KCTD16: variants seen among roughly 807,000 people sequenced by gnomAD.
The protein encoded by KCTD16 is potassium channel tetramerization domain containing 16, also known as BTB/POZ domain-containing protein KCTD16.
A neutral mutation model predicts 33.2 loss-of-function variants in KCTD16; 13 were observed. That is an observed-to-expected ratio of 0.39 (90% CI 0.25 to 0.62). KCTD16 has a LOEUF of 0.62. Ranked by LOEUF, KCTD16 falls within the 20% of genes least tolerant of loss-of-function variation. KCTD16 has a pLI of 0.50. For synonymous variants in KCTD16, 197 were observed against 195.3 expected (o/e 1.01, Z -0.07); for missense variants, 441 against 525.1 (o/e 0.84, Z 1.57).
intron 3 of KCTD16, among the ~76,000 whole-genome samples, chr5:144,469,104 C>T (rs1241636667): frequency 6.6e-6 from 1 of 152,130 alleles, no homozygotes; most frequent in Non-Finnish European, 1.5e-5. Flanking sequence ...ACTTAGTTTC[C>T]TGCCTCTCCC....
At chr5:144,299,350 T>C (rs543085437) in intron 3 of KCTD16, among the ~76,000 whole-genome samples, 1 of 151,284 alleles carries the variant, frequency 6.6e-6, no homozygotes, top group South Asian at 2.1e-4. Context: ...CATTTCTCTA[T>C]CAGAATAACA....
intron 3 of KCTD16, among the ~76,000 whole-genome samples, chr5:144,265,145 G>A (rs569961628): frequency 6.6e-6 from 1 of 152,252 alleles, no homozygotes; most frequent in South Asian, 2.1e-4. Flanking sequence ...ACAGTTGTAA[G>A]GAGAAAATTA....
intron 3 of KCTD16, among the ~76,000 whole-genome samples, chr5:144,319,923 T>C (rs1486777587): frequency 6.6e-6 from 1 of 152,144 alleles, no homozygotes; most frequent in Admixed American, 6.5e-5. Flanking sequence ...AATATACTTA[T>C]AAATATTATA....
chr5:144,195,423 C>T (rs1201340854), intron 2 of KCTD16, among the ~76,000 whole-genome samples: 1 of 152,182 alleles, frequency 6.6e-6, no homozygotes, highest in African/African-American at 2.4e-5. Context: ...TGCTTGCTAC[C>T]ATCCAGCACC....
intron 2 of KCTD16, among the ~76,000 whole-genome samples, chr5:144,192,532 T>A (rs1409049902): frequency 6.6e-6 from 1 of 152,210 alleles, no homozygotes; most frequent in East Asian, 1.9e-4. Context: ...TCTATTTATT[T>A]GTGTTCTAAG....
At chr5:144,318,212 C>A (rs1029024928) in intron 3 of KCTD16, among the ~76,000 whole-genome samples, 25 of 152,172 alleles carry the variant, frequency 1.6e-4, no homozygotes, top group Non-Finnish European at 2.9e-4. Flanking sequence ...CCCCGAGCGG[C>A]CTGTTCAAAC....
chr5:144,375,231 G>A lies in KCTD16; in HGVS notation c.833-98429G>A, dbSNP rs184067190. The stretch of plus-strand genomic sequence containing the variant: ...ACCATAACCTTTTACTAGCAAACTG[G>A]TTGGAATAGCTCATGCTCTCTGGCA... On this transcript the variant is annotated intron_variant, in intron 3 of 3. Transcript: ENST00000512467. 2.0e-5 allele frequency among the ~76,000 whole-genome samples: 3 copies of A among 152,272 alleles called. No individual in the cohort carries two copies. The East Asian group carries it at 5.8e-4, about 29-fold the overall frequency.
intron 3 of KCTD16, among the ~76,000 whole-genome samples, chr5:144,456,887 A>G (rs1417591060): frequency 6.6e-6 from 1 of 152,108 alleles, no homozygotes; most frequent in East Asian, 1.9e-4. Flanking sequence ...ATATTCTGTC[A>G]CACCTAGCAC....
chr5:144,256,333 A>T (rs554443603), intron 3 of KCTD16, among the ~76,000 whole-genome samples: 1 of 152,224 alleles, frequency 6.6e-6, no homozygotes, highest in Admixed American at 6.5e-5. Flanking sequence ...TTCCACTACT[A>T]TAAACACTGT....
At chr5:144,357,527 G>T (rs937882096) in intron 3 of KCTD16, among the ~76,000 whole-genome samples, 7 of 152,162 alleles carry the variant, frequency 4.6e-5, no homozygotes, top group Non-Finnish European at 8.8e-5. Context: ...GAATATGCCT[G>T]GTGCCTGGTG....
chr5:144,171,627 T>A (rs1752386296), intron 1 of KCTD16, among the ~76,000 whole-genome samples: 1 of 152,146 alleles, frequency 6.6e-6, no homozygotes, highest in South Asian at 2.1e-4. Flanking sequence ...CTCCAGACAT[T>A]GCCAAATCCA....
intron 3 of KCTD16, among the ~76,000 whole-genome samples, chr5:144,425,839 A>G (rs915894935): frequency 6.6e-6 from 1 of 152,104 alleles, no homozygotes; most frequent in Admixed American, 6.6e-5. Flanking sequence ...TGGACCTGTT[A>G]TGTGAGGGGC....
intron 3 of KCTD16, among the ~76,000 whole-genome samples, chr5:144,281,208 T>G (rs1755600155): frequency 6.6e-6 from 1 of 152,194 alleles, no homozygotes; most frequent in South Asian, 2.1e-4. Flanking sequence ...TCCATTTTAT[T>G]TTTATTATTT....
chr5:144,366,806 G>A (rs3095960), intron 3 of KCTD16, among the ~76,000 whole-genome samples: 51,935 of 152,126 alleles, frequency 0.34, 9,736 homozygotes, highest in African/African-American at 0.5. Flanking sequence ...TCGGTGGCAT[G>A]ATAGGGCCAC....
chr5:144,257,939 G>C (rs1324754170), intron 3 of KCTD16, among the ~76,000 whole-genome samples: 1 of 152,054 alleles, frequency 6.6e-6, no homozygotes, highest in African/African-American at 2.4e-5. Context: ...AAGCTTTTTC[G>C]ATAAGTTATA....
At chr5:144,308,508 C>G (rs1431556931) in intron 3 of KCTD16, among the ~76,000 whole-genome samples, 1 of 152,130 alleles carries the variant, frequency 6.6e-6, no homozygotes, top group African/African-American at 2.4e-5. Flanking sequence ...CCAGATATAC[C>G]AGGCTGACAT....
chr5:144,375,255 C>T lies in KCTD16; in HGVS notation c.833-98405C>T, dbSNP rs528798399. 9.8e-5 allele frequency among the ~76,000 whole-genome samples: 15 copies of T among 152,286 alleles called. No homozygotes were observed. The South Asian group carries it at 3.1e-3, about 32-fold the overall frequency. On this transcript the variant is annotated intron_variant, in intron 3 of 3. Coordinates refer to ENST00000512467, the MANE Select transcript of KCTD16 (RefSeq NM_020768.4). ...GGTTGGAATAGCTCATGCTCTCTGG[C>T]AAGTGTCTTACCTTCTTGATGTCTA...
chr5:144,233,029 T>C (rs1213416326), intron 3 of KCTD16, among the ~76,000 whole-genome samples: 1 of 152,094 alleles, frequency 6.6e-6, no homozygotes, highest in Non-Finnish European at 1.5e-5. Flanking sequence ...TCAGTAGACC[T>C]GGGAATTGAG....
intron 3 of KCTD16, among the ~76,000 whole-genome samples, chr5:144,368,926 A>G (rs1751900169): frequency 6.6e-6 from 1 of 152,276 alleles, no homozygotes; most frequent in Admixed American, 6.5e-5. Flanking sequence ...CAAATCCAGA[A>G]CTCGAACCCA....
Sources: gnomAD v4.1 joint callset for allele counts (sites outside exome capture counted in the v4.1 genomes callset) on GRCh38, gnomAD v4.1.1 for gene constraint, MANE v1.5 for transcripts, NCBI Gene and HGNC (gene_info 2026-07-23, HGNC 2026-07-21) for gene names.